GALK2: variants seen among roughly 807,000 people sequenced by gnomAD.
The protein encoded by GALK2 is N-acetylgalactosamine kinase.
Under a neutral mutation model 52.4 loss-of-function variants are expected in GALK2, and 36 were observed. The ratio of observed to expected loss-of-function variants is 0.69; its 90% confidence interval spans 0.53 to 0.91. GALK2 has a LOEUF of 0.91. Among genes scored for constraint, GALK2 ranks in the 40% least tolerant of loss-of-function variants. The pLI, the probability that GALK2 is intolerant of heterozygous loss-of-function variation, is 0.00. For synonymous variants in GALK2, 176 were observed against 199.1 expected (o/e 0.88, Z 0.98); for missense variants, 579 against 559.1 (o/e 1.04, Z -0.36).
intron 3 of GALK2, 42 bp from the exon 4 acceptor site, chr15:49,235,809 G>A (rs1000003640): frequency 1.0e-5 from 14 of 1,343,112 alleles, no homozygotes; most frequent in Non-Finnish European, 1.5e-5. Flanking sequence ...TGCAGCTCAA[G>A]GCCTACAGAT....
chr15:49,295,954 A>G (rs2034439155), intron 8 of GALK2, among the ~76,000 whole-genome samples: 1 of 152,054 alleles, frequency 6.6e-6, no homozygotes, highest in Admixed American at 6.6e-5. Context: ...AATGCTTTGG[A>G]AAATACAAAG....
At chr15:49,236,155 T>C (rs1461526179) in intron 4 of GALK2, among the ~76,000 whole-genome samples, 2 of 152,210 alleles carry the variant, frequency 1.3e-5, no homozygotes, top group East Asian at 1.9e-4. Flanking sequence ...CAGCTGGCTG[T>C]TCATAAATAG....
chr15:49,237,097 A>G (rs1224404779), intron 4 of GALK2, among the ~76,000 whole-genome samples: 1 of 152,190 alleles, frequency 6.6e-6, no homozygotes, highest in Non-Finnish European at 1.5e-5. Context: ...TGCAATTTTA[A>G]TCTTCCTTGT....
rs1596586470 is a variant in GALK2, at chr15:49,365,840, C to T, written c.427-1651C>T. On this transcript the variant is annotated intron_variant, in intron 3 of 3. Coordinates refer to the GALK2 transcript ENST00000558399. ...ATAAGTCTCACTTCCATGCTTTTGC[C>T]GCGACACTCAATTGTGCATTGTCCA... 10 of 884,712 alleles carry T rather than the reference C, an allele frequency of 1.1e-5. No homozygotes were observed. In the East Asian group the frequency reaches 1.7e-4, roughly 15 times the overall value. The allele number at this position is 884,712 out of a possible 1,614,324, so 54.8% of individuals were successfully genotyped here. A position where few individuals can be genotyped will look rare whatever the true frequency, so the allele number is the denominator to read the frequency against.
At chr15:49,327,017 TAAG>T (rs886113490) in intron 9 of GALK2, 6 of 152,164 alleles carry the variant, frequency 3.9e-5, no homozygotes, top group African/African-American at 1.2e-4. Flanking sequence ...TGAATTTTAT[TAAG>T]AAGAATTAAT....
chr15:49,349,180 A>C (rs902805088), intron 3 of GALK2, among the ~76,000 whole-genome samples: 1 of 152,182 alleles, frequency 6.6e-6, no homozygotes, highest in Non-Finnish European at 1.5e-5. Flanking sequence ...TGTAAGAAAA[A>C]ATAGCCAGAT....
intron 3 of GALK2, among the ~76,000 whole-genome samples, chr15:49,337,912 C>T (rs1017603612): frequency 1.3e-5 from 2 of 152,158 alleles, no homozygotes; most frequent in African/African-American, 4.8e-5. Flanking sequence ...CACTGATGGA[C>T]ATTTGGGTTG....
chr15:49,270,689 A>G lies in GALK2; in HGVS notation c.505-11298A>G, dbSNP rs543864336. 3.9e-5 allele frequency among the ~76,000 whole-genome samples: 6 copies of G among 152,320 alleles called. No homozygotes were observed. The South Asian group carries it at 1.2e-3, about 32-fold the overall frequency. ...ATTGTATACATAAAACCCTTTCCCC[A>G]AGGCAAATGTGTACACTGAGATATG... On this transcript the variant is annotated intron_variant, in intron 5 of 9. Coordinates refer to ENST00000560031, the MANE Select transcript of GALK2 (RefSeq NM_002044.4).
chr15:49,201,965 T>G (rs975352440), intron 2 of GALK2, among the ~76,000 whole-genome samples: 1 of 152,152 alleles, frequency 6.6e-6, no homozygotes, highest in African/African-American at 2.4e-5. Flanking sequence ...AAGTTCAATA[T>G]CATGGTACTC....
At chr15:49,294,711 C>G (rs1171189179) in intron 8 of GALK2, among the ~76,000 whole-genome samples, 1 of 152,036 alleles carries the variant, frequency 6.6e-6, no homozygotes, top group Non-Finnish European at 1.5e-5. Flanking sequence ...GGGGAGAGTG[C>G]CATACAACAA....
intron 1 of GALK2, among the ~76,000 whole-genome samples, chr15:49,160,830 T>C (rs911319272): frequency 1.3e-5 from 2 of 151,436 alleles, no homozygotes; most frequent in African/African-American, 4.9e-5. Context: ...GCTGAGATCG[T>C]GCCACTGCAC....
At chr15:49,339,414 C>A (rs1341321656) in intron 3 of GALK2, among the ~76,000 whole-genome samples, 2 of 152,132 alleles carry the variant, frequency 1.3e-5, no homozygotes, top group East Asian at 1.9e-4. Flanking sequence ...TGCTGTAGGT[C>A]CGCCCCAGAC....
chr15:49,239,069 T>C (rs1482370214), intron 4 of GALK2, 152 bp from the exon 5 acceptor site: 4 of 607,440 alleles, frequency 6.6e-6, no homozygotes, highest in African/African-American at 1.8e-5. Context: ...AAATGTCACA[T>C]ATAGTCTCAA....
intron 3 of GALK2, among the ~76,000 whole-genome samples, chr15:49,342,662 G>C (rs1167473512): frequency 1.3e-5 from 2 of 152,110 alleles, no homozygotes; most frequent in Non-Finnish European, 2.9e-5. Flanking sequence ...TGTGGTAGAA[G>C]GTATCCTCCT....
chr15:49,285,884 C>G (rs1595964689), intron 7 of GALK2, among the ~76,000 whole-genome samples: 1 of 152,124 alleles, frequency 6.6e-6, no homozygotes, highest in Non-Finnish European at 1.5e-5. Context: ...GTAAAAGGTC[C>G]ATATCACGAC....
intron 3 of GALK2, among the ~76,000 whole-genome samples, chr15:49,344,962 C>T (rs956215917): frequency 1.3e-5 from 2 of 152,172 alleles, no homozygotes; most frequent in Non-Finnish European, 2.9e-5. Context: ...CAATGATACA[C>T]TTTTTCTAAA....
In GALK2 at chr15:49,261,899, T is replaced by C. The variant is rs891187705; in HGVS notation, c.505-20088T>C. 2.5e-3 allele frequency among the ~76,000 whole-genome samples: 381 copies of C among 152,314 alleles called. 3 individuals carry two copies. The highest frequency in any genetic ancestry group is 8.6e-3 in the African/African-American group (358 of 41,584). ...TGATTTGTGTATATTGAACCAGCCT[T>C]GCATCCCAGGGATGAAGCCCACTTG... On this transcript the variant is annotated intron_variant, in intron 5 of 9. Transcript: ENST00000560031.
intron 3 of GALK2, among the ~76,000 whole-genome samples, chr15:49,232,046 C>T (rs892552694): frequency 2.6e-5 from 4 of 152,220 alleles, no homozygotes; most frequent in African/African-American, 9.6e-5. Context: ...AGGGATTCAA[C>T]CCCAGATTTC....
intron 3 of GALK2, among the ~76,000 whole-genome samples, chr15:49,217,859 T>TA (rs1042950817): frequency 3.0e-4 from 46 of 152,202 alleles, no homozygotes; most frequent in African/African-American, 1.0e-3. Context: ...ACAAAGTCTT[T>TA]AAAAAAAATC....
Sources: gnomAD v4.1 joint callset for allele counts (sites outside exome capture counted in the v4.1 genomes callset) on GRCh38, gnomAD v4.1.1 for gene constraint, MANE v1.5 for transcripts, NCBI Gene and HGNC (gene_info 2026-07-23, HGNC 2026-07-21) for gene names.